Variants in PCDHGB2 observed in about 807,000 individuals in gnomAD.
PCDHGB2 encodes the protein protocadherin gamma subfamily B, 2.
A neutral mutation model predicts 59.3 loss-of-function variants in PCDHGB2; 55 were observed. That is an observed-to-expected ratio of 0.93 (90% CI 0.75 to 1.16). The LOEUF (loss-of-function observed/expected upper bound fraction) is 1.16. Among genes scored for constraint, PCDHGB2 ranks in the 50% most tolerant of loss-of-function variants. The pLI is 0.00. For synonymous variants in PCDHGB2, 516 were observed against 512.0 expected, an observed-to-expected ratio of 1.01 and a Z score of -0.11; for missense variants, 1,228 against 1,198.5, an observed-to-expected ratio of 1.02 and a Z score of -0.36.
intron 1 of PCDHGB2, chr5:141,428,221 G>T (rs1314522513): frequency 1.0e-5 from 12 of 1,177,166 alleles, no homozygotes; most frequent in East Asian, 4.9e-5. Context: ...CCTAGTCTTC[G>T]CAGACAGCCT....
At chr5:141,423,090 G>T in intron 1 of PCDHGB2, 5 of 1,614,022 alleles carry the variant, frequency 3.1e-6, no homozygotes, top group South Asian at 2.2e-5. Context: ...TCGCGGTGGG[G>T]GAGCACACGG....
Position 141,389,843 on chromosome 5 carries a change from G to C in PCDHGB2, c.2421+27287G>C, listed in dbSNP as rs372102656. On this transcript the variant is annotated intron_variant, in intron 1 of 3. Coordinates refer to ENST00000522605, the MANE Select transcript of PCDHGB2 (RefSeq NM_018923.3). The stretch of plus-strand genomic sequence containing the variant: ...GTGACGGTGGACAGCCACCACTCTC[G>C]GCCACTGCCACGTTGCACCTGGTCT... 2.4e-5 allele frequency: 39 copies of C among 1,614,016 alleles called. No homozygotes were observed. The African/African-American group carries it at 4.1e-4, about 17-fold the overall frequency.
At chr5:141,494,708 C>T (rs1481947557) in intron 1 of PCDHGB2, 99 bp from the exon 2 acceptor site, 2 of 1,599,566 alleles carry the variant, frequency 1.3e-6, no homozygotes, top group Non-Finnish European at 1.7e-6. Flanking sequence ...CTTCTCTGTG[C>T]CCACTCCCCT....
intron 1 of PCDHGB2, among the ~76,000 whole-genome samples, chr5:141,474,705 A>C (rs114026580): frequency 0.01 from 1,561 of 152,324 alleles, 35 homozygotes; most frequent in African/African-American, 0.035. Context: ...TCAAGGTTCT[A>C]TTATACTTCA....
At chr5:141,386,640 A>G (rs1313920703) in intron 1 of PCDHGB2, among the ~76,000 whole-genome samples, 2 of 151,864 alleles carry the variant, frequency 1.3e-5, no homozygotes, top group African/African-American at 4.8e-5. Flanking sequence ...CCCAGGCTGG[A>G]TACATTTTAC....
At chr5:141,460,034 C>T (rs1463167810) in intron 1 of PCDHGB2, among the ~76,000 whole-genome samples, 1 of 152,116 alleles carries the variant, frequency 6.6e-6, no homozygotes, top group African/African-American at 2.4e-5. Context: ...GCCGAGACTG[C>T]ACCACTGCAC....
chr5:141,449,569 A>G (rs1340921687), intron 1 of PCDHGB2, among the ~76,000 whole-genome samples: 2 of 148,390 alleles, frequency 1.3e-5, no homozygotes, highest in East Asian at 3.9e-4. Flanking sequence ...AGCCTGGGCG[A>G]CAGAGCAAGA....
At chr5:141,403,106 C>A (rs1311418325) in intron 1 of PCDHGB2, 1 of 1,614,066 alleles carries the variant, frequency 6.2e-7, no homozygotes. Context: ...CTCCAAGGAC[C>A]TGGCTCTGGA....
intron 1 of PCDHGB2, chr5:141,379,179 T>C (rs1440992563): frequency 6.6e-6 from 1 of 152,218 alleles, no homozygotes; most frequent in Non-Finnish European, 1.5e-5. Context: ...AAAGATAACA[T>C]TGAGTTGATG....
intron 1 of PCDHGB2, chr5:141,389,352 A>G (rs758141313): frequency 7.4e-6 from 12 of 1,613,628 alleles, no homozygotes; most frequent in Admixed American, 1.7e-5. Flanking sequence ...TTACTGCATC[A>G]TGGCCAGTGA....
In PCDHGB2 at chr5:141,511,098, T is replaced by G; in HGVS notation, c.2721T>G (p.Ala907=). 6.2e-7 allele frequency: 1 copy of G among 1,614,132 alleles called. No individual in the cohort carries two copies. The highest frequency in any genetic ancestry group is 8.5e-7 in the Non-Finnish European group (1 of 1,179,996). ...PGSNATLTNA[A]GKRDGKAPAG... is the part of the protein sequence containing the mutation. The stretch of plus-strand genomic sequence containing the variant: ...GCAATGCCACACTGACCAACGCAGC[T>G]GGCAAGCGGGATGGCAAGGCCCCAG... Residue 907 remains alanine, a synonymous_variant, in exon 4 of 4, where the codon GCT becomes GCG. Transcript: ENST00000522605.
chr5:141,460,587 T>C (rs1461971599), intron 1 of PCDHGB2, among the ~76,000 whole-genome samples: 1 of 152,170 alleles, frequency 6.6e-6, no homozygotes, highest in Non-Finnish European at 1.5e-5. Flanking sequence ...TGTGGGTTTT[T>C]TCTGGGCTCT....
In PCDHGB2 at chr5:141,385,111, T is replaced by G. The variant is rs373196114; in HGVS notation, c.2421+22555T>G. 2.8e-5 allele frequency: 46 copies of G among 1,614,188 alleles called. No individual in the cohort carries two copies. The African/African-American group carries it at 5.6e-4, about 20-fold the overall frequency. On this transcript the variant is annotated intron_variant, in intron 1 of 3. Transcript: ENST00000522605. ...AGGTGGCTTGGCGAACGTGCCCACCTCGCACTTTGTGGGCATGGACGGGGT... is the reference window on the plus strand; with the variant it reads ...AGGTGGCTTGGCGAACGTGCCCACCGCGCACTTTGTGGGCATGGACGGGGT...
Position 141,485,395 on chromosome 5 carries a change from C to T in PCDHGB2, c.2422-9412C>T. On this transcript the variant is annotated intron_variant, in intron 1 of 3. Coordinates refer to ENST00000522605, the MANE Select transcript of PCDHGB2 (RefSeq NM_018923.3). The surrounding 1 kb of genome is among the most constrained non-coding windows in gnomAD (Gnocchi z 5.7). Reference sequence around the variant, plus strand: ...TCGCTGGAGAGGTGAACCAAAGACACTTCCGTGTGGATTTGGACAGCGGAG... The same window carrying T: ...TCGCTGGAGAGGTGAACCAAAGACATTTCCGTGTGGATTTGGACAGCGGAG... 5 of 1,614,154 alleles carry T rather than the reference C, an allele frequency of 3.1e-6. No homozygotes were observed. Among genetic ancestry groups the T allele is most frequent in the Non-Finnish European group, 3.4e-6 (4 of 1,180,026 alleles).
rs778589637 is a variant in PCDHGB2 at position 141,487,133 on chromosome 5, C to T, written c.2422-7674C>T. On this transcript the variant is annotated intron_variant, in intron 1 of 3. Coordinates refer to ENST00000522605, the MANE Select transcript of PCDHGB2 (RefSeq NM_018923.3). The surrounding 1 kb of genome is among the most constrained non-coding windows in gnomAD (Gnocchi z 5.0). ...TGTGGTAAAGGATAGTGGTAGTCCA[C>T]CACTCTCTACCTCTGTTACTCTCTT... 8.7e-6 allele frequency: 14 copies of T among 1,613,932 alleles called. No homozygotes were observed. In the South Asian group the frequency reaches 1.5e-4, roughly 18 times the overall value.
At chr5:141,429,647 T>C (rs1430094173) in intron 1 of PCDHGB2, among the ~76,000 whole-genome samples, 2 of 152,272 alleles carry the variant, frequency 1.3e-5, no homozygotes, top group African/African-American at 4.8e-5. Flanking sequence ...TATATATTTC[T>C]TCCCAATTTA....
At chr5:141,382,874 GC>G in intron 1 of PCDHGB2, 1 of 1,523,072 alleles carries the variant, frequency 6.6e-7, no homozygotes, top group Non-Finnish European at 8.8e-7. Context: ...CGAGATCGGC[GC>G]CTAAGCAAGA....
At position 141,360,983 on chromosome 5, in the gene PCDHGB2, A is replaced by G; in HGVS notation, c.848A>G (p.Asn283Ser). Reference protein sequence around the residue: ...INAEITYSFHNVDEQVKHFFN... With the variant: ...INAEITYSFHSVDEQVKHFFN... ...GCAGAGATCACCTACTCCTTTCATA[A>G]TGTGGACGAACAAGTGAAACACTTT... Residue 283 changes from asparagine to serine, a missense_variant, in exon 1 of 4, where the codon AAT (asparagine) becomes AGT (serine). Around this residue, in one of 3 missense-constraint regions of PCDHGB2, gnomAD observed 781 missense variants for 721.6 expected, o/e 1.08. Transcript: ENST00000522605. 2 of 1,613,804 alleles carry G rather than the reference A, an allele frequency of 1.2e-6. No individual in the cohort carries two copies. The highest frequency in any genetic ancestry group is 1.7e-6 in the Non-Finnish European group (2 of 1,179,764).
intron 2 of PCDHGB2, among the ~76,000 whole-genome samples, chr5:141,496,565 T>C (rs2099769541): frequency 6.6e-6 from 1 of 152,136 alleles, no homozygotes; most frequent in African/African-American, 2.4e-5. Context: ...CACAGTCCTG[T>C]CACCCATTTT....
Sources: gnomAD v4.1 joint callset for allele counts (sites outside exome capture counted in the v4.1 genomes callset) on GRCh38, gnomAD v4.1.1 for gene constraint, gnomAD v4.1.1 regional missense constraint, Gnocchi (gnomAD v3.1) non-coding constraint, MANE v1.5 for transcripts, NCBI Gene and HGNC (gene_info 2026-07-23, HGNC 2026-07-21) for gene names.